The following SMURF1 variants were observed in gnomAD, a reference collection of about 807,000 sequenced individuals.
SMURF1 encodes the protein SMAD specific E3 ubiquitin protein ligase 1.
Under a neutral mutation model 98.0 loss-of-function variants are expected in SMURF1, and 44 were observed. The observed-to-expected ratio is 0.45, with a 90% CI of 0.35 to 0.58. The LOEUF (loss-of-function observed/expected upper bound fraction) is 0.58, where lower values mean the gene tolerates loss of function less well. Ranked by LOEUF, SMURF1 falls within the 20% of genes least tolerant of loss-of-function variation. The probability of loss-of-function intolerance (pLI) is 0.00; values close to 1 mark genes in which losing one functional copy is unlikely to be tolerated. For missense variants in SMURF1, 687 were observed against 938.4 expected (o/e 0.73, Z 3.50); for synonymous variants, 396 against 374.9 (o/e 1.06, Z -0.65).
At chr7:99,106,604 C>T (rs1011638002) in intron 1 of SMURF1, among the ~76,000 whole-genome samples, 1 of 152,184 alleles carries the variant, frequency 6.6e-6, no homozygotes, top group African/African-American at 2.4e-5. Context: ...AGACAGGTGG[C>T]CAGCCTCTGT....
chr7:99,044,046 A>G (rs1003491832), intron 11 of SMURF1, among the ~76,000 whole-genome samples: 4 of 152,188 alleles, frequency 2.6e-5, no homozygotes, highest in Admixed American at 6.5e-5. Context: ...AAGGGGCAGT[A>G]GAGACAGTGA....
intron 3 of SMURF1, 151 bp from the exon 4 acceptor site, chr7:99,057,702 A>T: frequency 1.1e-6 from 1 of 928,586 alleles, no homozygotes. Flanking sequence ...AGTTCAAGTG[A>T]TTCTCCTGCC....
chr7:99,033,503 C>T lies in SMURF1; in HGVS notation c.2012-382G>A, dbSNP rs906417002. On this transcript the variant is annotated intron_variant, in intron 16 of 17. Coordinates refer to ENST00000361368, the MANE Select transcript of SMURF1 (RefSeq NM_181349.3). ...TATTTTTAGTAGAGACGGGGTTTTGCCATGTTTCCCAGGCTGGTCTGGAAC... is the reference window on the plus strand; with the variant it reads ...TATTTTTAGTAGAGACGGGGTTTTGTCATGTTTCCCAGGCTGGTCTGGAAC... Among the ~76,000 whole-genome samples, 36 of 152,310 alleles carry T rather than the reference C, an allele frequency of 2.4e-4. 1 individual carries two copies. The highest frequency in any genetic ancestry group is 3.8e-4 in the Non-Finnish European group (26 of 68,020).
Position 99,054,922 on chromosome 7 carries a change from TAC to T in SMURF1, c.404-59_404-58del, listed in dbSNP as rs1255453097. 11 of 1,460,246 alleles carry T rather than the reference TAC, an allele frequency of 7.5e-6. No individual in the cohort carries two copies. The East Asian group carries it at 2.3e-4, about 30-fold the overall frequency. The allele number at this position is 1,460,246 out of a possible 1,614,324, so 90.5% of individuals were successfully genotyped here. A position where few individuals can be genotyped will look rare whatever the true frequency, so the allele number is the denominator to read the frequency against. ...CCCAGCGGGGTTTACATAATTATAA[TAC>T]AGTGAGTCATTGCTAATTTAGAATT... On this transcript the variant is annotated intron_variant, in intron 5 of 17. Transcript: ENST00000361368.
At chr7:99,049,505 A>C in intron 9 of SMURF1, 58 bp downstream of exon 9, 3 of 1,553,184 alleles carry the variant, frequency 1.9e-6, no homozygotes, top group Non-Finnish European at 2.6e-6. Flanking sequence ...ATACCAGTCC[A>C]AGAAAGCATT....
At chr7:99,087,379 T>A (rs1487598290) in intron 1 of SMURF1, among the ~76,000 whole-genome samples, 2 of 152,116 alleles carry the variant, frequency 1.3e-5, no homozygotes, top group African/African-American at 4.8e-5. Flanking sequence ...AGAAAGACCC[T>A]GTCTTAAAAC....
intron 12 of SMURF1, among the ~76,000 whole-genome samples, 165 bp from the exon 13 acceptor site, chr7:99,040,721 T>C (rs1169894919): frequency 6.6e-6 from 1 of 152,154 alleles, no homozygotes; most frequent in Non-Finnish European, 1.5e-5. Context: ...GAAGGCTGCT[T>C]GTGTAGCAGA....
At chr7:99,034,877 C>G (rs1185986730) in intron 16 of SMURF1, among the ~76,000 whole-genome samples, 2 of 152,184 alleles carry the variant, frequency 1.3e-5, no homozygotes, top group Admixed American at 1.3e-4. Flanking sequence ...TACAATGTGT[C>G]TGTGTGTCTA....
intron 1 of SMURF1, among the ~76,000 whole-genome samples, chr7:99,071,163 G>A (rs932004404): frequency 4.6e-5 from 7 of 151,494 alleles, no homozygotes; most frequent in African/African-American, 1.2e-4. Flanking sequence ...AGGTTCAAGC[G>A]ATCCTCCTGC....
chr7:99,053,229 G>A (rs1164937087), intron 6 of SMURF1, among the ~76,000 whole-genome samples: 1 of 151,988 alleles, frequency 6.6e-6, no homozygotes, highest in East Asian at 1.9e-4. Flanking sequence ...CTGTCCCTTA[G>A]AAGCAAATAC....
At chr7:99,083,484 T>G (rs1204803192) in intron 1 of SMURF1, among the ~76,000 whole-genome samples, 1 of 152,236 alleles carries the variant, frequency 6.6e-6, no homozygotes, top group Non-Finnish European at 1.5e-5. Flanking sequence ...CTGTTTGCTT[T>G]TGTAAATTAT....
At chr7:99,030,872 T>C in intron 17 of SMURF1, 189 bp from the exon 18 acceptor site, 1 of 514,006 alleles carries the variant, frequency 1.9e-6, no homozygotes, top group South Asian at 2.4e-5. Context: ...AATTTGTTTT[T>C]GCTTTTTGGT....
At chr7:99,050,689 G>A in intron 8 of SMURF1, 1 of 414,294 alleles carries the variant, frequency 2.4e-6, no homozygotes, top group Non-Finnish European at 4.3e-6. Flanking sequence ...TTCATTTGCA[G>A]GTAATATATT....
At position 99,047,711 on chromosome 7, in the gene SMURF1, G is replaced by C; in HGVS notation, c.1125C>G (p.Ile375Met). ...LQQPQAGHCRIEVSREEIFEE... is the reference protein window; with the variant it reads ...LQQPQAGHCRMEVSREEIFEE... ...CAAAGATTTCTTCTCTGGACACTTC[G>C]ATGCGGCAATGACCAGCTTGGGGCT... Residue 375 changes from isoleucine (I) to methionine (M), a missense_variant, in exon 10 of 18, where the codon ATC becomes ATG. This residue lies in a region of SMURF1 where 415 missense variants were observed against 508.4 expected (regional missense o/e 0.82). Transcript: ENST00000361368. 1.2e-6 allele frequency: 2 copies of C among 1,614,220 alleles called. No homozygotes were observed. Among genetic ancestry groups the C allele is most frequent in the Non-Finnish European group, 1.7e-6 (2 of 1,180,038 alleles).
intron 3 of SMURF1, among the ~76,000 whole-genome samples, chr7:99,058,777 C>G (rs1208362441): frequency 6.6e-6 from 1 of 152,180 alleles, no homozygotes; most frequent in Non-Finnish European, 1.5e-5. Flanking sequence ...AACATGAAAA[C>G]ATGGGTGCAT....
chr7:99,067,170 T>C (rs1796215031), intron 1 of SMURF1, among the ~76,000 whole-genome samples: 1 of 151,746 alleles, frequency 6.6e-6, no homozygotes. Context: ...GCTAATTTTT[T>C]TATTTTTAGT....
At chr7:99,052,947 C>T (rs1312588493) in intron 6 of SMURF1, among the ~76,000 whole-genome samples, 1 of 152,048 alleles carries the variant, frequency 6.6e-6, no homozygotes, top group African/African-American at 2.4e-5. Flanking sequence ...GCCTGTGGTC[C>T]CAGCTACTCG....
intron 1 of SMURF1, among the ~76,000 whole-genome samples, chr7:99,111,271 A>G (rs535913070): frequency 9.8e-5 from 15 of 152,338 alleles, no homozygotes; most frequent in African/African-American, 3.6e-4. Context: ...CATAAGAGAA[A>G]AACCAATAAA....
intron 11 of SMURF1, among the ~76,000 whole-genome samples, chr7:99,042,717 GC>G (rs904636240): frequency 6.6e-6 from 1 of 152,210 alleles, no homozygotes; most frequent in African/African-American, 2.4e-5. Flanking sequence ...GTTGCATTAA[GC>G]CCAGCCCTTA....
Sources: gnomAD v4.1 joint callset for allele counts (sites outside exome capture counted in the v4.1 genomes callset) on GRCh38, gnomAD v4.1.1 for gene constraint, gnomAD v4.1.1 regional missense constraint, MANE v1.5 for transcripts, NCBI Gene and HGNC (gene_info 2026-07-23, HGNC 2026-07-21) for gene names.